The following RYR2 variants were observed in gnomAD, a reference collection of about 807,000 sequenced individuals.
RYR2 encodes the protein ryanodine receptor 2.
RYR2 carries 227 observed loss-of-function variants against 601.1 expected under a neutral mutation model. The ratio of observed to expected loss-of-function variants is 0.38; its 90% CI spans 0.34 to 0.42. The LOEUF is 0.42. Ranked by LOEUF, RYR2 falls within the 10% of genes least tolerant of loss-of-function variation. The probability of loss-of-function intolerance (pLI) is 1.00; values close to 1 mark genes in which losing one functional copy is unlikely to be tolerated. For missense variants in RYR2, 4,646 were observed against 6,156.5 expected, an observed-to-expected ratio of 0.75 and a Z score of 8.21; for synonymous variants, 2,223 against 2,175.1, an observed-to-expected ratio of 1.02 and a Z score of -0.61.
intron 1 of RYR2, among the ~76,000 whole-genome samples, chr1:237,161,234 C>G (rs2148861802): frequency 6.6e-6 from 1 of 152,178 alleles, no homozygotes. Flanking sequence ...TTACAACAAA[C>G]AGGATGGATT....
At chr1:237,569,351 GTTTGCAGC>G in intron 29 of RYR2, 32 bp downstream of exon 29, 2 of 1,598,070 alleles carry the variant, frequency 1.3e-6, no homozygotes, top group Non-Finnish European at 8.5e-7. Flanking sequence ...TTTTTTTTAA[GTTTGCAGC>G]ACAAGGAAGC....
chr1:237,687,427 T>G (rs1267099417), intron 62 of RYR2, 28 bp from the exon 63 acceptor site: 4 of 1,395,326 alleles, frequency 2.9e-6, no homozygotes, highest in East Asian at 4.6e-5. Context: ...CCCTTCCCTT[T>G]TCTCTTTTGT....
chr1:237,499,498 A>G (rs190943350), intron 20 of RYR2, among the ~76,000 whole-genome samples: 1 of 152,218 alleles, frequency 6.6e-6, no homozygotes, highest in Non-Finnish European at 1.5e-5. Context: ...TGTAAATAAC[A>G]TCGCTATTAG....
rs558299194 is a variant in RYR2 at position 237,820,236 on chromosome 1, T to C, written c.14590+1044T>C. Among the ~76,000 whole-genome samples the C allele has an allele frequency of 4.1e-5, 6 of 146,804 alleles. No homozygotes were observed. The South Asian group carries it at 8.6e-4, about 21-fold the overall frequency. On this transcript the variant is annotated intron_variant, in intron 101 of 104. Transcript: ENST00000366574. Reference sequence around the variant, plus strand: ...GGGGGAGGGAGGGTAGCTGGCAAGATGGCCAAATAGGAACAGCTCCAGTCT... The same window carrying C: ...GGGGGAGGGAGGGTAGCTGGCAAGACGGCCAAATAGGAACAGCTCCAGTCT...
At chr1:237,237,945 CCCTTTCCTTT>C (rs60312547) in intron 1 of RYR2, among the ~76,000 whole-genome samples, 18 of 35,502 alleles carry the variant, frequency 5.1e-4, no homozygotes, top group African/African-American at 8.4e-4. Context: ...CTTTCCTTTC[CCCTTTCCTTT>C]CCTTTCCTTT....
At chr1:237,508,025 G>C (rs565443544) in intron 23 of RYR2, among the ~76,000 whole-genome samples, 4 of 152,258 alleles carry the variant, frequency 2.6e-5, no homozygotes, top group African/African-American at 7.2e-5. Context: ...GTGCAGTGGT[G>C]TGATCTTGGC....
chr1:237,393,033 C>T (rs1702516246), intron 10 of RYR2, among the ~76,000 whole-genome samples: 1 of 152,012 alleles, frequency 6.6e-6, no homozygotes, highest in Non-Finnish European at 1.5e-5. Flanking sequence ...AGATGAAATG[C>T]ATTAGGTGAT....
At chr1:237,678,151 T>G in intron 61 of RYR2, 39 bp downstream of exon 61, 1 of 1,112,530 alleles carries the variant, frequency 9.0e-7, no homozygotes, top group Non-Finnish European at 1.4e-6. Flanking sequence ...CTTCAATATG[T>G]TTGTTTACAT....
chr1:237,257,007 G>A (rs1558508542), intron 1 of RYR2, among the ~76,000 whole-genome samples: 2 of 152,150 alleles, frequency 1.3e-5, no homozygotes, highest in Non-Finnish European at 2.9e-5. Context: ...TGTTTTTCAT[G>A]TGGTTTTGTT....
intron 1 of RYR2, among the ~76,000 whole-genome samples, chr1:237,222,554 G>C (rs1231416058): frequency 6.6e-6 from 1 of 152,076 alleles, no homozygotes; most frequent in East Asian, 1.9e-4. Context: ...TATGTTATTA[G>C]TGTTGCTAAC....
intron 2 of RYR2, among the ~76,000 whole-genome samples, chr1:237,290,124 T>C (rs1266309038): frequency 2.0e-5 from 3 of 152,156 alleles, no homozygotes; most frequent in Non-Finnish European, 2.9e-5. Flanking sequence ...AGCCTAAAAC[T>C]GGAAATGAAA....
At chr1:237,195,871 C>T (rs1004414228) in intron 1 of RYR2, among the ~76,000 whole-genome samples, 7 of 152,216 alleles carry the variant, frequency 4.6e-5, no homozygotes, top group South Asian at 2.1e-4. Context: ...ACTCAACCGA[C>T]GTTAACATTG....
At chr1:237,459,699 C>T (rs928823056) in intron 16 of RYR2, among the ~76,000 whole-genome samples, 2 of 152,116 alleles carry the variant, frequency 1.3e-5, no homozygotes, top group Non-Finnish European at 2.9e-5. Flanking sequence ...AGCCAATCCT[C>T]CCTTTACCTC....
intron 10 of RYR2, among the ~76,000 whole-genome samples, chr1:237,416,749 A>AAT (rs955115902): frequency 6.8e-6 from 1 of 148,114 alleles, no homozygotes; most frequent in African/African-American, 2.5e-5. Flanking sequence ...GATGGGAAGA[A>AAT]ACACACACAC....
chr1:237,652,094 C>T (rs1041168018), intron 51 of RYR2, among the ~76,000 whole-genome samples: 1 of 152,132 alleles, frequency 6.6e-6, no homozygotes, highest in Non-Finnish European at 1.5e-5. Context: ...AGTTGGAAAA[C>T]ATGGTAATAG....
intron 3 of RYR2, 71 bp downstream of exon 3, chr1:237,331,053 C>A: frequency 7.9e-7 from 1 of 1,261,162 alleles, no homozygotes; most frequent in Non-Finnish European, 1.2e-6. Flanking sequence ...ATTTCTTTCA[C>A]AGGTGTCAGA....
chr1:237,556,608 C>T (rs1174044872), intron 27 of RYR2, among the ~76,000 whole-genome samples: 1 of 151,710 alleles, frequency 6.6e-6, no homozygotes, highest in Non-Finnish European at 1.5e-5. Flanking sequence ...TGCACCTGGC[C>T]ACTCTATTTT....
At chr1:237,696,661 C>G (rs747244225) in intron 63 of RYR2, among the ~76,000 whole-genome samples, 4 of 151,460 alleles carry the variant, frequency 2.6e-5, no homozygotes, top group Non-Finnish European at 5.9e-5. Flanking sequence ...CCGCCGCATC[C>G]CCTTCCTCCC....
chr1:237,576,535 G>T (rs12134560), intron 29 of RYR2, among the ~76,000 whole-genome samples: 45,071 of 151,656 alleles, frequency 0.3, 7,093 homozygotes, highest in East Asian at 0.6. Context: ...GGGATCTGTA[G>T]TGAAAATATG....
Sources: gnomAD v4.1 joint callset for allele counts (sites outside exome capture counted in the v4.1 genomes callset) on GRCh38, gnomAD v4.1.1 for gene constraint, MANE v1.5 for transcripts, NCBI Gene and HGNC (gene_info 2026-07-23, HGNC 2026-07-21) for gene names.